Variants in USH1C observed in about 807,000 individuals in gnomAD.
The protein encoded by USH1C is harmonin.
Under a neutral mutation model 119.3 loss-of-function variants are expected in USH1C, and 90 were observed. The ratio of observed to expected loss-of-function variants is 0.75; its 90% CI spans 0.64 to 0.90. The LOEUF is 0.90. Among genes scored for constraint, USH1C ranks in the 40% least tolerant of loss-of-function variants. The pLI is 0.00. For missense variants in USH1C, 1,165 were observed against 1,167.7 expected (o/e 1.00, Z 0.03); for synonymous variants, 465 against 443.3 (o/e 1.05, Z -0.62).
chr11:17,508,580 C>T (rs1159952533), intron 18 of USH1C, among the ~76,000 whole-genome samples: 1 of 152,210 alleles, frequency 6.6e-6, no homozygotes, highest in African/African-American at 2.4e-5. Flanking sequence ...TTCATGGGAT[C>T]CAAGCTCCCT....
At chr11:17,534,769 G>C (rs369034043) in intron 1 of USH1C, among the ~76,000 whole-genome samples, 3 of 152,048 alleles carry the variant, frequency 2.0e-5, no homozygotes, top group South Asian at 4.2e-4. Flanking sequence ...AGCTACTTAG[G>C]AGGCTGAGGC....
At chr11:17,505,720 A>T in intron 19 of USH1C, 110 bp downstream of exon 19, 1 of 1,508,184 alleles carries the variant, frequency 6.6e-7, no homozygotes, top group Admixed American at 1.9e-5. Context: ...GGCATCTGTG[A>T]TCTGCATTTT....
intron 1 of USH1C, among the ~76,000 whole-genome samples, chr11:17,535,363 C>A (rs1323650934): frequency 1.3e-5 from 2 of 151,982 alleles, no homozygotes; most frequent in African/African-American, 4.8e-5. Context: ...TCCCCCACTT[C>A]CCTGCCTGGC....
At chr11:17,525,309 G>T (rs12275068) in intron 8 of USH1C, among the ~76,000 whole-genome samples, 1 of 152,126 alleles carries the variant, frequency 6.6e-6, no homozygotes, top group African/African-American at 2.4e-5. Context: ...TACTTGGTTG[G>T]CTTCTAGATT....
chr11:17,498,320 G>A (rs1849316545), intron 23 of USH1C, 49 bp from the exon 24 acceptor site: 1 of 1,562,018 alleles, frequency 6.4e-7, no homozygotes, highest in Non-Finnish European at 8.8e-7. Context: ...TGTGACACGT[G>A]CCTGGCCCAG....
At position 17,515,590 on chromosome 11, in the gene USH1C, ATAG is replaced by A. The variant is rs573646211; in HGVS notation, c.1260+648_1260+650del. Among the ~76,000 whole-genome samples, 30 of 152,354 alleles carry A rather than the reference ATAG, an allele frequency of 2.0e-4. 1 individual carries two copies. The South Asian group carries it at 5.4e-3, about 27-fold the overall frequency. On this transcript the variant is annotated intron_variant, in intron 15 of 26. Transcript: ENST00000005226. ...ACCAAGTCATCTCGAATGTCCAATTATAGATATTAACAGCAATGTTTTCACAAT... is the reference window on the plus strand; with the variant it reads ...ACCAAGTCATCTCGAATGTCCAATTAATATTAACAGCAATGTTTTCACAAT...
At chr11:17,515,421 G>A (rs575897132) in intron 15 of USH1C, among the ~76,000 whole-genome samples, 13 of 152,298 alleles carry the variant, frequency 8.5e-5, no homozygotes, top group Non-Finnish European at 1.2e-4. Context: ...CATTTTACAG[G>A]CAGGGAGAAT....
chr11:17,537,471 G>C (rs2237957), intron 1 of USH1C, among the ~76,000 whole-genome samples: 224 of 152,160 alleles, frequency 1.5e-3, no homozygotes, highest in Non-Finnish European at 2.6e-3. Context: ...TTGATGAAAC[G>C]TGAACTCTAT....
chr11:17,519,621 G>A (rs755718586), intron 14 of USH1C, among the ~76,000 whole-genome samples: 1 of 152,218 alleles, frequency 6.6e-6, no homozygotes, highest in Non-Finnish European at 1.5e-5. Flanking sequence ...TTAGCTGTCT[G>A]TCTAAAACAG....
chr11:17,494,615 G>A, intron 26 of USH1C: 1 of 594,670 alleles, frequency 1.7e-6, no homozygotes, highest in Non-Finnish European at 3.0e-6. Context: ...AGGAGACTGG[G>A]AGGAACAGGG....
intron 14 of USH1C, chr11:17,517,553 G>A: frequency 2.1e-6 from 3 of 1,405,750 alleles, no homozygotes; most frequent in Non-Finnish European, 2.9e-6. Context: ...CTTCTCAGGA[G>A]TTTGGGGACC....
At chr11:17,523,731 C>T (rs950626934) in intron 9 of USH1C, among the ~76,000 whole-genome samples, 3 of 152,224 alleles carry the variant, frequency 2.0e-5, no homozygotes, top group South Asian at 4.1e-4. Flanking sequence ...ATGTTCATTT[C>T]TTTGGCTAAA....
intron 20 of USH1C, 112 bp from the exon 21 acceptor site, chr11:17,502,092 GC>G (rs1467115967): frequency 2.7e-6 from 3 of 1,104,478 alleles, no homozygotes. Context: ...GAGGGGTAGG[GC>G]GGGAGAAGGC....
At chr11:17,534,419 T>G (rs1324544086) in intron 1 of USH1C, among the ~76,000 whole-genome samples, 3 of 152,208 alleles carry the variant, frequency 2.0e-5, no homozygotes, top group Admixed American at 2.0e-4. Context: ...CTGGCCTAGA[T>G]CTGACAGTAC....
At chr11:17,533,860 G>T (rs1851111971) in intron 1 of USH1C, 2 of 421,600 alleles carry the variant, frequency 4.7e-6, no homozygotes, top group African/African-American at 4.0e-5. Context: ...ACTCTGTCTT[G>T]TCCTGACCTT....
At chr11:17,509,960 A>G (rs1849817121) in intron 17 of USH1C, 122 bp from the exon 18 acceptor site, 8 of 1,224,656 alleles carry the variant, frequency 6.5e-6, no homozygotes, top group Non-Finnish European at 8.9e-6. Flanking sequence ...CCACCCTTAC[A>G]TCAGAACCAT....
At chr11:17,511,788 C>T in intron 16 of USH1C, 114 bp downstream of exon 16, 1 of 1,305,304 alleles carries the variant, frequency 7.7e-7, no homozygotes, top group South Asian at 1.5e-5. Flanking sequence ...GGGCTCACTC[C>T]ACCCTTGTAT....
chr11:17,494,895 C>A, intron 26 of USH1C: 1 of 239,498 alleles, frequency 4.2e-6, no homozygotes, highest in East Asian at 9.7e-5. Context: ...CATCCTACAG[C>A]TGGGTTCCAC....
rs372995440 is a variant in USH1C, at chr11:17,494,172, C to T, written c.*160G>A. 39 of 875,618 alleles carry T rather than the reference C, an allele frequency of 4.5e-5. No individual in the cohort carries two copies. Among genetic ancestry groups the T allele is most frequent in the East Asian group, 3.2e-4 (12 of 37,416 alleles). 54.2% of individuals were successfully genotyped at this position (875,618 alleles called of 1,614,324 possible). On this transcript the variant is annotated 3_prime_UTR_variant, in exon 27 of 27. Coordinates refer to ENST00000005226, the MANE Select transcript of USH1C (RefSeq NM_153676.4). Reference sequence around the variant, plus strand: ...TTGGCCTTCAGAAGAGTGGCCCGAGCTGTTCCTTATCTGGCCCTGGTTCAG... The same window carrying T: ...TTGGCCTTCAGAAGAGTGGCCCGAGTTGTTCCTTATCTGGCCCTGGTTCAG...
Sources: gnomAD v4.1 joint callset for allele counts (sites outside exome capture counted in the v4.1 genomes callset) on GRCh38, gnomAD v4.1.1 for gene constraint, MANE v1.5 for transcripts, NCBI Gene and HGNC (gene_info 2026-07-23, HGNC 2026-07-21) for gene names.